The following BAZ1B variants were observed in gnomAD, a reference collection of about 807,000 sequenced individuals.
The protein encoded by BAZ1B is tyrosine-protein kinase BAZ1B.
A neutral mutation model predicts 153.8 loss-of-function variants in BAZ1B; 22 were observed. The ratio of observed to expected loss-of-function variants is 0.14; its 90% CI spans 0.10 to 0.20. The LOEUF is 0.20. BAZ1B is among the 10% of genes least tolerant of loss of function. The pLI is 1.00. For missense variants in BAZ1B, 1,325 were observed against 1,799.3 expected (o/e 0.74, Z 4.77); for synonymous variants, 676 against 633.4 (o/e 1.07, Z -1.01).
chr7:73,455,745 T>TA (rs1216220694), intron 13 of BAZ1B, among the ~76,000 whole-genome samples: 1 of 152,130 alleles, frequency 6.6e-6, no homozygotes, highest in Non-Finnish European at 1.5e-5. Context: ...ACTGCACCAC[T>TA]GCACTCCAGC....
At chr7:73,497,320 G>A (rs930086774) in intron 4 of BAZ1B, among the ~76,000 whole-genome samples, 2 of 152,182 alleles carry the variant, frequency 1.3e-5, no homozygotes, top group East Asian at 3.9e-4. Context: ...AATGACTGAG[G>A]TCACTTCAAC....
chr7:73,483,070 G>C (rs990259442), intron 6 of BAZ1B, among the ~76,000 whole-genome samples: 9 of 152,176 alleles, frequency 5.9e-5, no homozygotes, highest in Non-Finnish European at 7.3e-5. Context: ...AGGACACCTG[G>C]ATTACCAGCA....
intron 13 of BAZ1B, among the ~76,000 whole-genome samples, chr7:73,459,233 C>T (rs1427738003): frequency 3.4e-5 from 5 of 147,834 alleles, no homozygotes; most frequent in Admixed American, 1.4e-4. Flanking sequence ...GGTGACAGAG[C>T]GAGACTCCAT....
Position 73,459,587 on chromosome 7 carries a change from T to C in BAZ1B, c.3381A>G (p.Ser1127=), listed in dbSNP as rs1788324197. ...CTTCATCCACTTCCTCAGTTTTTGCTGAATCTTCACTTTGGAGTTTTCTTC... is the reference window on the plus strand; with the variant it reads ...CTTCATCCACTTCCTCAGTTTTTGCCGAATCTTCACTTTGGAGTTTTCTTC... ...QKRRKLQSED[S]AKTEEVDEEK... Residue 1127 remains serine (S), a synonymous_variant, in exon 13 of 20, where the codon TCA becomes TCG. Coordinates refer to ENST00000339594, the MANE Select transcript of BAZ1B (RefSeq NM_032408.4). 2 of 1,614,016 alleles carry C rather than the reference T, an allele frequency of 1.2e-6. No homozygotes were observed. The highest frequency in any genetic ancestry group is 2.7e-5 in the African/African-American group (2 of 75,048).
At chr7:73,509,925 G>A (rs564285493) in intron 2 of BAZ1B, among the ~76,000 whole-genome samples, 4 of 151,786 alleles carry the variant, frequency 2.6e-5, no homozygotes, top group South Asian at 2.1e-4. Flanking sequence ...TCAGGAGTTC[G>A]AGACCAGCCT....
At chr7:73,519,885 ACTCCACTGCCG>A (rs1188190435) in intron 1 of BAZ1B, among the ~76,000 whole-genome samples, 1 of 151,980 alleles carries the variant, frequency 6.6e-6, no homozygotes, top group Non-Finnish European at 1.5e-5. Flanking sequence ...ACAAGTTGCT[ACTCCACTGCCG>A]ATTCGAATGT....
chr7:73,492,937 A>G lies in BAZ1B; in HGVS notation c.572-16T>C. ...GCTCTGTCATCTAGTCAAATCATAGAAAATTAGTGAAAAACGTAATTATTT... is the reference window on the plus strand; with the variant it reads ...GCTCTGTCATCTAGTCAAATCATAGGAAATTAGTGAAAAACGTAATTATTT... On this transcript the variant is annotated splice_polypyrimidine_tract_variant and intron_variant, in intron 4 of 19. Transcript: ENST00000339594. The G allele has an allele frequency of 1.3e-6, 2 of 1,573,280 alleles. No individual in the cohort carries two copies. The highest frequency in any genetic ancestry group is 1.7e-6 in the Non-Finnish European group (2 of 1,166,876).
intron 5 of BAZ1B, among the ~76,000 whole-genome samples, chr7:73,490,204 A>G (rs1336886048): frequency 1.3e-5 from 2 of 152,216 alleles, no homozygotes; most frequent in Non-Finnish European, 2.9e-5. Context: ...AGGAATCAAC[A>G]TATCTAATCA....
At chr7:73,516,799 A>C (rs13235350) in intron 1 of BAZ1B, among the ~76,000 whole-genome samples, 3 of 121,636 alleles carry the variant, frequency 2.5e-5, no homozygotes, top group Non-Finnish European at 3.5e-5. Context: ...AAAAAAAAAA[A>C]CAACTGTAAA....
At chr7:73,481,834 G>A (rs1347702287) in intron 6 of BAZ1B, among the ~76,000 whole-genome samples, 5 of 152,036 alleles carry the variant, frequency 3.3e-5, no homozygotes, top group African/African-American at 7.2e-5. Flanking sequence ...TCAAGAGATC[G>A]AGACCATCCT....
chr7:73,458,625 GA>G (rs1160947059), intron 13 of BAZ1B, among the ~76,000 whole-genome samples: 1 of 147,630 alleles, frequency 6.8e-6, no homozygotes, highest in Non-Finnish European at 1.5e-5. Context: ...GCAGTGAGCT[GA>G]GATTATGCCA....
In BAZ1B at chr7:73,466,370, G is replaced by C; in HGVS notation, c.2898C>G (p.Ser966Arg). Residue 966 changes from serine (S) to arginine (R), a missense_variant, in exon 10 of 20, where the codon AGC (serine) becomes AGG (arginine). Around this residue, in one of 9 missense-constraint regions of BAZ1B, gnomAD observed 431 missense variants for 563.5 expected, o/e 0.76. Coordinates refer to ENST00000339594, the MANE Select transcript of BAZ1B (RefSeq NM_032408.4). ...TTGCTGTTCCATGTTGTGTGTTCAT[G>C]CTTGCATTTTTACCTAAGTTTGCTT... ...SKKANLGKNA[S>R]MNTQHGTATE... is the part of the protein sequence containing the mutation. 1 of 1,613,882 alleles carries C rather than the reference G, an allele frequency of 6.2e-7. No homozygotes were observed. Among genetic ancestry groups the C allele is most frequent in the Non-Finnish European group, 8.5e-7 (1 of 1,179,850 alleles).
At chr7:73,490,999 A>G (rs1789617556) in intron 5 of BAZ1B, among the ~76,000 whole-genome samples, 2 of 151,590 alleles carry the variant, frequency 1.3e-5, no homozygotes, top group South Asian at 2.1e-4. Context: ...AAATATAAAA[A>G]AATCCTGGCC....
chr7:73,495,519 C>T (rs1489721303), intron 4 of BAZ1B, among the ~76,000 whole-genome samples: 3 of 151,974 alleles, frequency 2.0e-5, no homozygotes, highest in African/African-American at 4.8e-5. Flanking sequence ...GTAAAGAAAC[C>T]GAATAGCTGG....
At chr7:73,455,027 G>T (rs1788143244) in intron 13 of BAZ1B, among the ~76,000 whole-genome samples, 1 of 149,484 alleles carries the variant, frequency 6.7e-6, no homozygotes, top group African/African-American at 2.5e-5. Flanking sequence ...CCACACTCGG[G>T]GTGTGTGTGT....
At chr7:73,452,670 C>A (rs1287763253) in intron 13 of BAZ1B, among the ~76,000 whole-genome samples, 5 of 148,030 alleles carry the variant, frequency 3.4e-5, no homozygotes, top group Admixed American at 6.9e-5. Flanking sequence ...TGCAGTGAGC[C>A]GAGATTGCAC....
chr7:73,442,181 C>A lies in BAZ1B; in HGVS notation c.*15G>T. ...TGTCCCCCCACCTCAGCTCCCTTAC[C>A]ACGGCCCTGCCTCTCTACTTCTTCT... On this transcript the variant is annotated splice_region_variant and 3_prime_UTR_variant, in exon 19 of 20. Transcript: ENST00000339594. 9.3e-7 allele frequency: 1 copy of A among 1,076,526 alleles called. No individual in the cohort carries two copies. The highest frequency in any genetic ancestry group is 1.3e-5 in the South Asian group (1 of 78,350). The allele number at this position is 1,076,526 out of a possible 1,614,324, so 66.7% of individuals were successfully genotyped here. A position where few individuals can be genotyped will look rare whatever the true frequency, so the allele number is the denominator to read the frequency against.
At position 73,489,280 on chromosome 7, in the gene BAZ1B, T is replaced by A; in HGVS notation, c.805A>T (p.Asn269Tyr). Residue 269 changes from asparagine (N) to tyrosine (Y), a missense_variant, in exon 6 of 20, where the codon AAT (asparagine) becomes TAT (tyrosine). Around this residue, in one of 9 missense-constraint regions of BAZ1B, gnomAD observed 219 missense variants for 248.2 expected, o/e 0.88. Coordinates refer to ENST00000339594, the MANE Select transcript of BAZ1B (RefSeq NM_032408.4). ...HNALRAGTGE[N>Y]APWVVEDELV... ...TCATCTTCTACGACCCAAGGTGCAT[T>A]TTCACCAGTACCAGCTCGTAATGCA... 1.9e-6 allele frequency: 3 copies of A among 1,614,176 alleles called. No homozygotes were observed. Among genetic ancestry groups the A allele is most frequent in the Non-Finnish European group, 2.5e-6 (3 of 1,180,034 alleles).
chr7:73,510,113 T>G (rs573418206), intron 2 of BAZ1B, among the ~76,000 whole-genome samples: 3 of 119,236 alleles, frequency 2.5e-5, no homozygotes, highest in Non-Finnish European at 5.4e-5. Context: ...GGCAACAGAG[T>G]GAGACTCCAT....
Sources: allele counts gnomAD v4.1 joint callset (sites outside exome capture counted in the v4.1 genomes callset), GRCh38; gene constraint gnomAD v4.1.1; regional missense constraint gnomAD v4.1.1; transcripts MANE v1.5; gene names NCBI Gene and HGNC (gene_info 2026-07-23, HGNC 2026-07-21).